The following PIK3CA variants were observed in gnomAD, a reference collection of about 807,000 sequenced individuals.
PIK3CA encodes the protein phosphatidylinositol 4,5-bisphosphate 3-kinase catalytic subunit alpha isoform.
Under a neutral mutation model 138.2 loss-of-function variants are expected in PIK3CA, and 27 were observed. The ratio of observed to expected loss-of-function variants is 0.20; its 90% CI spans 0.14 to 0.27. PIK3CA has a LOEUF of 0.27. Ranked by LOEUF, PIK3CA falls within the 10% of genes least tolerant of loss-of-function variation. The pLI is 1.00. For synonymous variants in PIK3CA, 358 were observed against 413.2 expected (o/e 0.87, Z 1.62); for missense variants, 544 against 1,277.4 (o/e 0.43, Z 8.75).
chr3:179,158,919 T>C (rs1346673013), intron 1 of PIK3CA, among the ~76,000 whole-genome samples: 1 of 136,466 alleles, frequency 7.3e-6, no homozygotes, highest in Non-Finnish European at 1.6e-5. Flanking sequence ...TTGTGGAAAA[T>C]GTATATATGT....
chr3:179,221,237 A>G, intron 14 of PIK3CA, 80 bp downstream of exon 14: 1 of 865,580 alleles, frequency 1.2e-6, no homozygotes. Flanking sequence ...GTATATACAG[A>G]TCATGGTCCT....
chr3:179,190,913 G>C (rs1266694239), intron 1 of PIK3CA, among the ~76,000 whole-genome samples: 1 of 152,202 alleles, frequency 6.6e-6, no homozygotes, highest in Non-Finnish European at 1.5e-5. Context: ...GAACTGTACT[G>C]TGAACGAAAA....
chr3:179,171,689 A>G (rs1242161164), intron 1 of PIK3CA, among the ~76,000 whole-genome samples: 1 of 152,158 alleles, frequency 6.6e-6, no homozygotes, highest in African/African-American at 2.4e-5. Flanking sequence ...ACTGACTCCA[A>G]AAGAAGTAGA....
rs2108422217 is a variant in PIK3CA, at chr3:179,229,204, A to T, written c.2496-68A>T. 3 of 1,230,884 alleles carry T rather than the reference A, an allele frequency of 2.4e-6. No individual in the cohort carries two copies. In the South Asian group the frequency reaches 4.2e-5, roughly 17 times the overall value. The allele number at this position is 1,230,884 out of a possible 1,614,324, so 76.2% of individuals were successfully genotyped here. ...TTTACTAATAAAATACTCATGTTTT[A>T]GCCTGTTAAAACATTTGCTATTTTA... On this transcript the variant is annotated intron_variant, in intron 17 of 20. Coordinates refer to ENST00000263967, the MANE Select transcript of PIK3CA (RefSeq NM_006218.4).
At chr3:179,232,755 T>C (rs766558350) in intron 20 of PIK3CA, among the ~76,000 whole-genome samples, 20 of 152,310 alleles carry the variant, frequency 1.3e-4, no homozygotes, top group Non-Finnish European at 2.4e-4. Flanking sequence ...CTTAATTTGA[T>C]TCTCAGCTTG....
At chr3:179,233,998 A>G in intron 20 of PIK3CA, 96 bp from the exon 21 acceptor site, 2 of 807,844 alleles carry the variant, frequency 2.5e-6, no homozygotes. Flanking sequence ...AGCTTTGTCT[A>G]CGAAAGCCTC....
chr3:179,167,741 A>G (rs1478703287), intron 1 of PIK3CA, among the ~76,000 whole-genome samples: 1 of 152,138 alleles, frequency 6.6e-6, no homozygotes, highest in Non-Finnish European at 1.5e-5. Context: ...TGAACTACGC[A>G]ATGAATATTC....
At chr3:179,196,230 C>T (rs1724262554) in intron 1 of PIK3CA, among the ~76,000 whole-genome samples, 1 of 152,232 alleles carries the variant, frequency 6.6e-6, no homozygotes, top group Admixed American at 6.5e-5. Context: ...TAATAGAGAC[C>T]TGTCAGTGCC....
intron 1 of PIK3CA, among the ~76,000 whole-genome samples, chr3:179,172,347 G>T (rs1389634190): frequency 6.6e-6 from 1 of 152,058 alleles, no homozygotes; most frequent in South Asian, 2.1e-4. Flanking sequence ...TGCTCTTACT[G>T]CTTTTATTCA....
In PIK3CA at chr3:179,203,090, G is replaced by A. The variant is rs1016403024; in HGVS notation, c.814-454G>A. On this transcript the variant is annotated intron_variant, in intron 4 of 20. Transcript: ENST00000263967. ...CAAGTAGCTGGGACTACAGGCGCCCGCCACTACGCCCGGCTAATTTTTTGT... is the reference window on the plus strand; with the variant it reads ...CAAGTAGCTGGGACTACAGGCGCCCACCACTACGCCCGGCTAATTTTTTGT... Among the ~76,000 whole-genome samples, 12 of 151,570 alleles carry A rather than the reference G, an allele frequency of 7.9e-5. No homozygotes were observed. In the East Asian group the frequency reaches 2.1e-3, roughly 27 times the overall value.
chr3:179,163,932 G>T (rs114664242), intron 1 of PIK3CA, among the ~76,000 whole-genome samples: 2,343 of 152,126 alleles, frequency 0.015, 74 homozygotes, highest in Non-Finnish European at 0.014. Context: ...TGAACAATTT[G>T]CATGCCTTTA....
chr3:179,217,711 T>C (rs1226527193), intron 9 of PIK3CA, among the ~76,000 whole-genome samples: 1 of 152,082 alleles, frequency 6.6e-6, no homozygotes, highest in African/African-American at 2.4e-5. Context: ...AATGGGGGTG[T>C]TTCTTCATTC....
intron 1 of PIK3CA, among the ~76,000 whole-genome samples, chr3:179,149,160 C>T (rs536262553): frequency 2.0e-4 from 31 of 152,346 alleles, no homozygotes; most frequent in Middle Eastern, 3.4e-3. Context: ...TCACCCCCGC[C>T]AGCTCCCCTC....
chr3:179,229,655 A>G (rs1162632451), intron 18 of PIK3CA, among the ~76,000 whole-genome samples: 3 of 152,200 alleles, frequency 2.0e-5, no homozygotes, highest in Non-Finnish European at 4.4e-5. Context: ...CATCTTATGT[A>G]TTATCTAAAA....
Position 179,203,614 on chromosome 3 carries a change from C to T in PIK3CA, c.884C>T (p.Ser295Phe), listed in dbSNP as rs1426596111. The T allele has an allele frequency of 6.2e-7, 1 of 1,613,870 alleles. No individual in the cohort carries two copies. Among genetic ancestry groups the T allele is most frequent in the Non-Finnish European group, 8.5e-7 (1 of 1,179,914 alleles). Residue 295 changes from serine to phenylalanine, a missense_variant, in exon 5 of 21, where the codon TCT (serine) becomes TTT (phenylalanine). Physicochemically the swap from Ser to Phe is radical, Grantham distance 155. Transcript: ENST00000263967. ...TTGATGGCTAAAGAAAGCCTTTATT[C>T]TCAACTGCCAATGGACTGTTTTACA... ...LMLMAKESLY[S>F]QLPMDCFTMP...
At chr3:179,185,724 G>A (rs111580342) in intron 1 of PIK3CA, among the ~76,000 whole-genome samples, 3 of 152,182 alleles carry the variant, frequency 2.0e-5, no homozygotes, top group African/African-American at 7.2e-5. Context: ...TAGAACTCAG[G>A]GAAATACATT....
chr3:179,185,483 TC>T (rs1378539052), intron 1 of PIK3CA, among the ~76,000 whole-genome samples: 1 of 152,220 alleles, frequency 6.6e-6, no homozygotes, highest in Non-Finnish European at 1.5e-5. Flanking sequence ...TGCCGCAGAT[TC>T]TTCAATAGAC....
intron 9 of PIK3CA, among the ~76,000 whole-genome samples, chr3:179,213,506 T>C (rs567701083): frequency 6.6e-6 from 1 of 152,338 alleles, no homozygotes; most frequent in South Asian, 2.1e-4. Context: ...ACCAAGCTGG[T>C]GGTTGCTGAA....
At chr3:179,190,972 A>G (rs548283164) in intron 1 of PIK3CA, among the ~76,000 whole-genome samples, 14 of 152,320 alleles carry the variant, frequency 9.2e-5, no homozygotes, top group African/African-American at 3.4e-4. Context: ...CCTCAGAAGA[A>G]TAGGTGAAAA....
Sources: gnomAD v4.1 joint callset for allele counts (sites outside exome capture counted in the v4.1 genomes callset) on GRCh38, gnomAD v4.1.1 for gene constraint, MANE v1.5 for transcripts, NCBI Gene and HGNC (gene_info 2026-07-23, HGNC 2026-07-21) for gene names.